The following DOCK5 variants were observed in gnomAD, a reference collection of about 807,000 sequenced individuals.
DOCK5 encodes dedicator of cytokinesis 5, also known as dedicator of cytokinesis protein 5.
DOCK5 carries 142 observed loss-of-function variants against 251.8 expected under a neutral mutation model. The ratio of observed to expected loss-of-function variants is 0.56; its 90% CI spans 0.49 to 0.65. DOCK5 has a LOEUF of 0.65. DOCK5 is among the 30% of genes least tolerant of loss of function. The pLI, the probability that DOCK5 is intolerant of heterozygous loss-of-function variation, is 0.00. For missense variants in DOCK5, 2,111 were observed against 2,312.3 expected, an observed-to-expected ratio of 0.91 and a Z score of 1.79; for synonymous variants, 842 against 835.5, an observed-to-expected ratio of 1.01 and a Z score of -0.13.
chr8:25,203,970 A>AAC, intron 1 of DOCK5, among the ~76,000 whole-genome samples: 1 of 37,560 alleles, frequency 2.7e-5, no homozygotes, highest in Non-Finnish European at 6.3e-5. Context: ...TCTAAAATGA[A>AAC]ACGTGTTCTT....
At chr8:25,262,822 ATT>A (rs11386810) in intron 2 of DOCK5, among the ~76,000 whole-genome samples, 8 of 143,856 alleles carry the variant, frequency 5.6e-5, no homozygotes, top group Admixed American at 7.0e-5. Context: ...TATAGATACA[ATT>A]TTTTTTTTTT....
chr8:25,197,823 T>C (rs896448047), intron 1 of DOCK5, among the ~76,000 whole-genome samples: 1 of 148,714 alleles, frequency 6.7e-6, no homozygotes, highest in African/African-American at 2.5e-5. Flanking sequence ...CAATCTCGGC[T>C]CACTGCAAGC....
rs4056277 is a variant in DOCK5 at position 25,400,497 on chromosome 8, CAAAAA to C, written c.4789-422_4789-418del. On this transcript the variant is annotated intron_variant, in intron 46 of 51. Coordinates refer to ENST00000276440, the MANE Select transcript of DOCK5 (RefSeq NM_024940.8). ...TGGGCAACAGAGTGAGACTCCATCT[CAAAAA>C]AAAAAAAAAGAAAAGTTCATCTGTT... is the stretch of plus-strand genomic sequence containing the variant. Among the ~76,000 whole-genome samples, 5 of 76,366 alleles carry C rather than the reference CAAAAA, an allele frequency of 6.5e-5. 1 individual carries two copies. The highest frequency in any genetic ancestry group is 2.0e-4 in the African/African-American group (4 of 20,512). 50.1% of individuals were successfully genotyped at this position (76,366 alleles called of 152,430 possible).
chr8:25,374,904 C>G (rs1800937961), intron 37 of DOCK5: 22 of 1,306,892 alleles, frequency 1.7e-5, no homozygotes, highest in Admixed American at 1.3e-4. Context: ...AATTGACACT[C>G]TAATTAAAGC....
intron 5 of DOCK5, among the ~76,000 whole-genome samples, chr8:25,287,319 G>C (rs750067202): frequency 1.8e-4 from 28 of 152,068 alleles, no homozygotes; most frequent in Non-Finnish European, 3.8e-4. Flanking sequence ...CCAGCTACTT[G>C]GGAGGCTGAG....
At chr8:25,313,985 G>A (rs1415050403) in intron 13 of DOCK5, among the ~76,000 whole-genome samples, 2 of 152,020 alleles carry the variant, frequency 1.3e-5, no homozygotes, top group Non-Finnish European at 2.9e-5. Context: ...CTCCCTAGGG[G>A]TATCATCCAC....
chr8:25,210,035 A>T (rs368101428), intron 1 of DOCK5, among the ~76,000 whole-genome samples: 5,497 of 11,560 alleles, frequency 0.48, 1,960 homozygotes, highest in African/African-American at 0.52. Flanking sequence ...TATATATATA[A>T]ATGTGTGTGT....
intron 1 of DOCK5, among the ~76,000 whole-genome samples, chr8:25,190,697 C>T (rs1247095402): frequency 6.6e-6 from 1 of 151,204 alleles, no homozygotes; most frequent in African/African-American, 2.4e-5. Flanking sequence ...TTGTTGACCA[C>T]CTCTTTGCAC....
intron 13 of DOCK5, among the ~76,000 whole-genome samples, chr8:25,312,455 T>C (rs1374610248): frequency 6.6e-6 from 1 of 152,142 alleles, no homozygotes; most frequent in Non-Finnish European, 1.5e-5. Context: ...AAGGGCTACA[T>C]TGGTTTTAAA....
chr8:25,324,970 A>G (rs1032009764), intron 17 of DOCK5, among the ~76,000 whole-genome samples: 4 of 152,112 alleles, frequency 2.6e-5, no homozygotes, highest in African/African-American at 9.7e-5. Context: ...TACAAAGGAC[A>G]TGAACTCATC....
intron 18 of DOCK5, among the ~76,000 whole-genome samples, chr8:25,330,002 A>C (rs1365230914): frequency 6.6e-6 from 1 of 152,206 alleles, no homozygotes; most frequent in African/African-American, 2.4e-5. Context: ...TCTGGCATGC[A>C]GATATCACTA....
chr8:25,199,170 A>G (rs949779550), intron 1 of DOCK5, among the ~76,000 whole-genome samples: 1 of 152,212 alleles, frequency 6.6e-6, no homozygotes, highest in Non-Finnish European at 1.5e-5. Flanking sequence ...GAGAATGAAC[A>G]TCACTGTGTT....
At chr8:25,220,584 T>A (rs1469623082) in intron 1 of DOCK5, among the ~76,000 whole-genome samples, 3 of 152,110 alleles carry the variant, frequency 2.0e-5, no homozygotes, top group Non-Finnish European at 4.4e-5. Flanking sequence ...CGGGTGTCCC[T>A]GAGGCCGGAA....
intron 6 of DOCK5, among the ~76,000 whole-genome samples, chr8:25,295,736 A>G (rs368470581): frequency 9.9e-5 from 15 of 152,226 alleles, no homozygotes; most frequent in Non-Finnish European, 1.8e-4. Flanking sequence ...GGAAATAATA[A>G]CATTTACCTC....
chr8:25,202,410 C>T (rs1441484845), intron 1 of DOCK5, among the ~76,000 whole-genome samples: 1 of 152,154 alleles, frequency 6.6e-6, no homozygotes, highest in Non-Finnish European at 1.5e-5. Flanking sequence ...CACTCACTGG[C>T]TTAGAACAGC....
chr8:25,392,824 C>T lies in DOCK5; in HGVS notation c.4469C>T (p.Thr1490Met), dbSNP rs141436803. 759 of 1,613,006 alleles carry T rather than the reference C, an allele frequency of 4.7e-4. No homozygotes were observed. Among genetic ancestry groups the T allele is most frequent in the Non-Finnish European group, 6.2e-4 (728 of 1,179,564 alleles). Residue 1490 changes from threonine to methionine, a missense_variant, in exon 44 of 52, where the codon ACG becomes ATG. By Grantham distance (81) the Thr-to-Met change is moderately conservative. Coordinates refer to ENST00000276440, the MANE Select transcript of DOCK5 (RefSeq NM_024940.8). Reference sequence around the variant, plus strand: ...ATGTGGATTGAACGGACCACGTATACGACTGCATATACCTTTCCTGGGATT... The same window carrying T: ...ATGTGGATTGAACGGACCACGTATATGACTGCATATACCTTTCCTGGGATT... Reference protein sequence around the residue: ...ATMWIERTTYTTAYTFPGILK... With the variant: ...ATMWIERTTYMTAYTFPGILK...
Position 25,268,872 on chromosome 8 carries a change from A to T in DOCK5, c.155A>T (p.Asn52Ile). Residue 52 changes from asparagine to isoleucine, a missense_variant, in exon 3 of 52, where the codon AAT (asparagine) becomes ATT (isoleucine). Physicochemically the swap from Asn to Ile is moderately radical, Grantham distance 149 (BLOSUM62 -3). This residue lies in a region of DOCK5 where 335 missense variants were observed against 324.9 expected (regional missense o/e 1.03). Coordinates refer to ENST00000276440, the MANE Select transcript of DOCK5 (RefSeq NM_024940.8). ...TGGTACAGAGGATATACCCTCCAAA[A>T]TAAATCTAAAAAGGTATGACTTATC... is the stretch of plus-strand genomic sequence containing the variant. ...EGWYRGYTLQNKSKKGIFPET... is the reference protein window; with the variant it reads ...EGWYRGYTLQIKSKKGIFPET... 1 of 1,559,886 alleles carries T rather than the reference A, an allele frequency of 6.4e-7. No individual in the cohort carries two copies.
intron 1 of DOCK5, among the ~76,000 whole-genome samples, chr8:25,203,598 G>A (rs922993946): frequency 5.9e-4 from 90 of 152,306 alleles, no homozygotes; most frequent in African/African-American, 2.0e-3. Context: ...ACTCCGTGAA[G>A]CAAACCCTGT....
rs1248109287 is a variant in DOCK5, at chr8:25,336,260, C to T, written c.2214C>T (p.Asn738=). 10 of 1,613,666 alleles carry T rather than the reference C, an allele frequency of 6.2e-6. No homozygotes were observed. Among genetic ancestry groups the T allele is most frequent in the Non-Finnish European group, 7.6e-6 (9 of 1,179,658 alleles). The change falls in exon 22 of 52, where the codon AAC becomes AAT. Residue 738 remains asparagine, a synonymous_variant. Coordinates refer to ENST00000276440, the MANE Select transcript of DOCK5 (RefSeq NM_024940.8). ...TAAGGAAACTCTCCAAGGTACTGAA[C>T]TTCTATGTGGCTAATGCAGATGACT... ...LAYVKLSKVL[N]FYVANADDSS...
Sources: gnomAD v4.1 joint callset for allele counts (sites outside exome capture counted in the v4.1 genomes callset) on GRCh38, gnomAD v4.1.1 for gene constraint, gnomAD v4.1.1 regional missense constraint, MANE v1.5 for transcripts, NCBI Gene and HGNC (gene_info 2026-07-23, HGNC 2026-07-21) for gene names.